MCOLN2: variants seen among roughly 807,000 people sequenced by gnomAD.
MCOLN2 encodes mucolipin-2.
Under a neutral mutation model 67.5 loss-of-function variants are expected in MCOLN2, and 57 were observed. The ratio of observed to expected loss-of-function variants is 0.84; its 90% CI spans 0.68 to 1.05. The LOEUF (loss-of-function observed/expected upper bound fraction) is 1.05. Ranked by LOEUF, MCOLN2 falls within the 50% of genes least tolerant of loss-of-function variation. The pLI is 0.00. For synonymous variants in MCOLN2, 246 were observed against 233.3 expected (o/e 1.05, Z -0.50); for missense variants, 620 against 678.8 (o/e 0.91, Z 0.96).
chr1:84,929,690 T>C lies in MCOLN2; in HGVS notation c.1543-11A>G, dbSNP rs1283219852. 1.2e-6 allele frequency: 2 copies of C among 1,610,062 alleles called. No homozygotes were observed. The highest frequency in any genetic ancestry group is 1.7e-6 in the Non-Finnish European group (2 of 1,177,004). Reference sequence around the variant, plus strand: ...ATTCTGTTGGAATTTCTTTAGAAAGTACACAATGTTGTTACCTTATTTATA... The same window carrying C: ...ATTCTGTTGGAATTTCTTTAGAAAGCACACAATGTTGTTACCTTATTTATA... On this transcript the variant is annotated splice_polypyrimidine_tract_variant and intron_variant, in intron 12 of 13. Coordinates refer to ENST00000370608, the MANE Select transcript of MCOLN2 (RefSeq NM_153259.4).
chr1:84,974,106 A>G (rs773209553), intron 1 of MCOLN2, among the ~76,000 whole-genome samples: 9 of 152,216 alleles, frequency 5.9e-5, no homozygotes, highest in Non-Finnish European at 1.5e-5. Context: ...AACCAGCCCT[A>G]GCCAGAGGGG....
At chr1:84,938,824 T>C (rs1647582199) in intron 9 of MCOLN2, among the ~76,000 whole-genome samples, 1 of 152,082 alleles carries the variant, frequency 6.6e-6, no homozygotes, top group Non-Finnish European at 1.5e-5. Flanking sequence ...CATCCCAAAG[T>C]AGGCCCCAAG....
chr1:84,975,222 G>A (rs111263124), intron 1 of MCOLN2, among the ~76,000 whole-genome samples: 5 of 152,106 alleles, frequency 3.3e-5, no homozygotes, highest in African/African-American at 1.2e-4. Context: ...AGTTACAGCC[G>A]GCCTTGGGCA....
chr1:84,993,723 C>CG (rs1396653022), intron 1 of MCOLN2, among the ~76,000 whole-genome samples: 3 of 150,534 alleles, frequency 2.0e-5, no homozygotes, highest in African/African-American at 4.9e-5. Flanking sequence ...CTCCGCCTCC[C>CG]GGGTTCACGC....
At chr1:84,988,379 C>T (rs1054197223) in intron 1 of MCOLN2, among the ~76,000 whole-genome samples, 4 of 152,020 alleles carry the variant, frequency 2.6e-5, no homozygotes, top group East Asian at 1.9e-4. Flanking sequence ...AATATTTCAG[C>T]GCTTGCCTCT....
chr1:84,988,282 A>G (rs1571049854), intron 1 of MCOLN2, among the ~76,000 whole-genome samples: 1 of 151,858 alleles, frequency 6.6e-6, no homozygotes, highest in Middle Eastern at 3.4e-3. Context: ...GAACTCTTGG[A>G]CTCAAGCAAT....
rs115627381 is a variant in MCOLN2, at chr1:84,935,724, G to A, written c.1335+2031C>T. ...AGTATAGGCAAGGCTCTCAATTGTA[G>A]CCCAAACTGTATTTTTCTTGGACAG... is the stretch of plus-strand genomic sequence containing the variant. On this transcript the variant is annotated intron_variant, in intron 11 of 13. Coordinates refer to ENST00000370608, the MANE Select transcript of MCOLN2 (RefSeq NM_153259.4). Among the ~76,000 whole-genome samples the A allele has an allele frequency of 2.4e-3, 359 of 152,202 alleles. 1 individual carries two copies. Among genetic ancestry groups the A allele is most frequent in the Middle Eastern group, 0.014 (4 of 294 alleles).
At chr1:84,931,334 T>C (rs1176714166) in intron 12 of MCOLN2, 28 bp downstream of exon 12, 1 of 1,299,056 alleles carries the variant, frequency 7.7e-7, no homozygotes, top group South Asian at 1.2e-5. Flanking sequence ...CAGTGATTTT[T>C]TGGCAGCAAA....
intron 1 of MCOLN2, among the ~76,000 whole-genome samples, chr1:84,982,204 T>C (rs2102879816): frequency 6.6e-6 from 1 of 152,256 alleles, no homozygotes; most frequent in African/African-American, 2.4e-5. Flanking sequence ...ATGAGGTGCA[T>C]GGCTCTAAAT....
chr1:84,992,654 A>C (rs1057051649), intron 1 of MCOLN2, among the ~76,000 whole-genome samples: 6 of 152,254 alleles, frequency 3.9e-5, no homozygotes, highest in African/African-American at 1.4e-4. Flanking sequence ...CAAATACTGC[A>C]GTAAAGCAAG....
chr1:84,931,313 T>C (rs561644179), intron 12 of MCOLN2, 49 bp downstream of exon 12: 50 of 1,072,908 alleles, frequency 4.7e-5, no homozygotes, highest in Non-Finnish European at 6.1e-5. Flanking sequence ...CTATAATCTA[T>C]ATAGAATTTG....
chr1:84,982,158 A>G (rs1650293138), intron 1 of MCOLN2, among the ~76,000 whole-genome samples: 1 of 152,092 alleles, frequency 6.6e-6, no homozygotes, highest in Non-Finnish European at 1.5e-5. Context: ...TATCAAGAAA[A>G]CAATTTAAAA....
At chr1:84,964,448 A>G (rs1264483085) in intron 2 of MCOLN2, among the ~76,000 whole-genome samples, 1 of 150,336 alleles carries the variant, frequency 6.7e-6, no homozygotes, top group Non-Finnish European at 1.5e-5. Context: ...TAACTACAGC[A>G]ATGATCCCCA....
intron 13 of MCOLN2, 23 bp downstream of exon 13, chr1:84,929,535 T>C (rs373336757): frequency 1.3e-6 from 2 of 1,589,856 alleles, no homozygotes; most frequent in Admixed American, 1.7e-5. Context: ...CTCAGGAGCA[T>C]GGAGAATAAA....
intron 11 of MCOLN2, among the ~76,000 whole-genome samples, chr1:84,935,965 ATC>A (rs1482015942): frequency 2.0e-5 from 3 of 152,208 alleles, no homozygotes; most frequent in Non-Finnish European, 2.9e-5. Flanking sequence ...TCTTGCAATG[ATC>A]TGTTTTAGAT....
At chr1:84,957,906 G>C (rs1648877390) in intron 3 of MCOLN2, among the ~76,000 whole-genome samples, 1 of 152,124 alleles carries the variant, frequency 6.6e-6, no homozygotes, top group Admixed American at 6.5e-5. Context: ...TTTATTGAGT[G>C]AATGAAAAAG....
chr1:84,937,929 A>G, intron 10 of MCOLN2, 52 bp from the exon 11 acceptor site: 1 of 1,613,812 alleles, frequency 6.2e-7, no homozygotes. Context: ...TTAGAACCCA[A>G]AGAATAAATG....
At chr1:84,969,612 A>G (rs1249950637) in intron 1 of MCOLN2, among the ~76,000 whole-genome samples, 1 of 151,982 alleles carries the variant, frequency 6.6e-6, no homozygotes, top group Non-Finnish European at 1.5e-5. Context: ...AATCACCACA[A>G]TGAGTCTCAT....
intron 1 of MCOLN2, among the ~76,000 whole-genome samples, chr1:84,968,171 T>C (rs1188463859): frequency 6.6e-6 from 1 of 152,020 alleles, no homozygotes; most frequent in Non-Finnish European, 1.5e-5. Context: ...AAGGCCAGAG[T>C]GGTTCCAAAT....
Sources: gnomAD v4.1 joint callset for allele counts (sites outside exome capture counted in the v4.1 genomes callset) on GRCh38, gnomAD v4.1.1 for gene constraint, MANE v1.5 for transcripts, NCBI Gene and HGNC (gene_info 2026-07-23, HGNC 2026-07-21) for gene names.